NDST4: variants seen among roughly 807,000 people sequenced by gnomAD.
NDST4 encodes N-heparan sulfate sulfotransferase 4.
NDST4 carries 63 observed loss-of-function variants against 100.8 expected under a neutral mutation model. The ratio of observed to expected loss-of-function variants is 0.62; its 90% confidence interval spans 0.51 to 0.77. The LOEUF (loss-of-function observed/expected upper bound fraction) is 0.77, where lower values mean the gene tolerates loss of function less well. Ranked by LOEUF, NDST4 falls within the 30% of genes least tolerant of loss-of-function variation. The probability of loss-of-function intolerance (pLI) is 0.00; values close to 1 mark genes in which losing one functional copy is unlikely to be tolerated. For missense variants in NDST4, 943 were observed against 1,018.4 expected (o/e 0.93, Z 1.01); for synonymous variants, 377 against 361.8 (o/e 1.04, Z -0.48).
chr4:115,047,623 A>AT (rs1249051695), intron 2 of NDST4, among the ~76,000 whole-genome samples: 1 of 152,140 alleles, frequency 6.6e-6, no homozygotes, highest in Non-Finnish European at 1.5e-5. Context: ...TACACAAAAT[A>AT]TTTTTTAATT....
chr4:114,986,046 G>C (rs570683296), intron 2 of NDST4, among the ~76,000 whole-genome samples: 34 of 152,218 alleles, frequency 2.2e-4, no homozygotes, highest in African/African-American at 8.2e-4. Context: ...TACCGGTAAG[G>C]ATAATGGTTT....
chr4:115,045,456 T>C (rs1394687747), intron 2 of NDST4, among the ~76,000 whole-genome samples: 3 of 152,200 alleles, frequency 2.0e-5, no homozygotes, highest in East Asian at 3.9e-4. Flanking sequence ...TATACTTCAA[T>C]TGAGTCTTCT....
intron 10 of NDST4, among the ~76,000 whole-genome samples, chr4:114,840,683 G>T (rs1168432472): frequency 6.6e-6 from 1 of 152,170 alleles, no homozygotes; most frequent in African/African-American, 2.4e-5. Flanking sequence ...GATAGATGAG[G>T]TATGCGGGAA....
chr4:115,060,758 CAG>C lies in NDST4; in HGVS notation c.978+15299_978+15300del, dbSNP rs879386757. ...TTACACACACAAAAATACACACACA[CAG>C]AGAGATACACAAAGTTACTTTGTTC... On this transcript the variant is annotated intron_variant, in intron 2 of 13. Transcript: ENST00000264363. Among the ~76,000 whole-genome samples, 24 of 151,726 alleles carry C rather than the reference CAG, an allele frequency of 1.6e-4. No individual in the cohort carries two copies. In the South Asian group the frequency reaches 3.5e-3, roughly 22 times the overall value.
intron 2 of NDST4, among the ~76,000 whole-genome samples, chr4:115,002,710 C>G (rs554433630): frequency 6.6e-6 from 1 of 152,162 alleles, no homozygotes; most frequent in South Asian, 2.1e-4. Context: ...CCATTTGACC[C>G]AGGAATCCCA....
intron 4 of NDST4, among the ~76,000 whole-genome samples, chr4:114,947,261 G>C (rs1725887257): frequency 6.6e-6 from 1 of 152,120 alleles, no homozygotes; most frequent in Non-Finnish European, 1.5e-5. Context: ...GCTCTATAGG[G>C]AAGTATGATA....
chr4:114,949,649 A>C (rs1725945772), intron 4 of NDST4, among the ~76,000 whole-genome samples: 1 of 152,066 alleles, frequency 6.6e-6, no homozygotes, highest in Non-Finnish European at 1.5e-5. Flanking sequence ...AGAAGGGCAG[A>C]GCCCCAGCAA....
At chr4:115,102,678 T>C (rs13106842) in intron 1 of NDST4, among the ~76,000 whole-genome samples, 114,071 of 144,250 alleles carry the variant, frequency 0.79, 46,031 homozygotes, top group African/African-American at 0.94. Context: ...TCAGTGGTCA[T>C]TTATATACCA....
intron 7 of NDST4, among the ~76,000 whole-genome samples, chr4:114,868,858 C>A (rs1469692743): frequency 6.6e-6 from 1 of 150,952 alleles, no homozygotes; most frequent in Admixed American, 6.6e-5. Flanking sequence ...GTTATCTTTT[C>A]TGAGTTATTC....
At position 114,927,786 on chromosome 4, in the gene NDST4, A is replaced by G. The variant is rs1303318128; in HGVS notation, c.1536+7420T>C. Among the ~76,000 whole-genome samples the G allele has an allele frequency of 3.9e-5, 6 of 152,238 alleles. No homozygotes were observed. In the East Asian group the frequency reaches 1.2e-3, roughly 29 times the overall value. On this transcript the variant is annotated intron_variant, in intron 6 of 13. Transcript: ENST00000264363. ...TGTCTACAGCATTTCTATAATATTA[A>G]AGTATAGATGATTAATGGAAAAGGA...
At chr4:115,013,785 T>C (rs1013076656) in intron 2 of NDST4, among the ~76,000 whole-genome samples, 3 of 152,002 alleles carry the variant, frequency 2.0e-5, no homozygotes, top group Non-Finnish European at 4.4e-5. Flanking sequence ...AAGTAAGGTC[T>C]ATTATGATAG....
intron 6 of NDST4, among the ~76,000 whole-genome samples, chr4:114,878,457 A>G (rs17047462): frequency 0.013 from 2,022 of 152,340 alleles, 46 homozygotes; most frequent in African/African-American, 0.046. Context: ...AAAAAAGGGT[A>G]TCGATTAAAA....
chr4:115,038,170 G>A (rs1226290916), intron 2 of NDST4, among the ~76,000 whole-genome samples: 1 of 152,148 alleles, frequency 6.6e-6, no homozygotes, highest in Non-Finnish European at 1.5e-5. Context: ...TTACGAGGAA[G>A]TAAGAAACTA....
Position 115,040,909 on chromosome 4 carries a change from T to C in NDST4, c.978+35150A>G, listed in dbSNP as rs185468810. 9.2e-5 allele frequency among the ~76,000 whole-genome samples: 14 copies of C among 152,094 alleles called. No homozygotes were observed. The East Asian group carries it at 2.7e-3, about 29-fold the overall frequency. On this transcript the variant is annotated intron_variant, in intron 2 of 13. Transcript: ENST00000264363. ...AAGGATAATAAAAACAAAAAACAAG[T>C]AATTGCCCACAGTTGGAGAATGCTA...
chr4:114,969,708 C>T (rs1180558949), intron 4 of NDST4, among the ~76,000 whole-genome samples: 1 of 152,134 alleles, frequency 6.6e-6, no homozygotes, highest in Non-Finnish European at 1.5e-5. Context: ...TTTCTTTATC[C>T]AATCTACTGT....
chr4:115,008,008 C>T (rs971615090), intron 2 of NDST4, among the ~76,000 whole-genome samples: 3 of 129,440 alleles, frequency 2.3e-5, no homozygotes, highest in South Asian at 2.9e-4. Flanking sequence ...TTCTTTATTT[C>T]CTTTTCAACT....
chr4:115,014,475 G>T lies in NDST4; in HGVS notation c.979-37201C>A, dbSNP rs144134091. 3.9e-5 allele frequency among the ~76,000 whole-genome samples: 6 copies of T among 152,158 alleles called. No individual in the cohort carries two copies. The East Asian group carries it at 1.2e-3, about 29-fold the overall frequency. ...TCGAGATATATTTTCTAAGGTGAAG[G>T]ATAAGTTGTTGCATCAATGTATTCC... On this transcript the variant is annotated intron_variant, in intron 2 of 13. Transcript: ENST00000264363.
At chr4:115,060,760 G>C (rs537512) in intron 2 of NDST4, among the ~76,000 whole-genome samples, 36,660 of 151,506 alleles carry the variant, frequency 0.24, 5,972 homozygotes, top group East Asian at 0.46. Context: ...CACACACACA[G>C]AGAGATACAC....
At chr4:114,867,414 T>C (rs1443385706) in intron 7 of NDST4, among the ~76,000 whole-genome samples, 1 of 152,000 alleles carries the variant, frequency 6.6e-6, no homozygotes, top group African/African-American at 2.4e-5. Context: ...GACGTTGGCA[T>C]GGGGAGAGAA....
Sources: allele counts gnomAD v4.1 joint callset (sites outside exome capture counted in the v4.1 genomes callset), GRCh38; gene constraint gnomAD v4.1.1; transcripts MANE v1.5; gene names NCBI Gene and HGNC (gene_info 2026-07-23, HGNC 2026-07-21).